The following PHACTR3 variants were observed in gnomAD, a reference collection of about 807,000 sequenced individuals.
The protein encoded by PHACTR3 is phosphatase and actin regulator 3, also known as protein phosphatase 1, regulatory subunit 123.
A neutral mutation model predicts 66.8 loss-of-function variants in PHACTR3; 16 were observed. The ratio of observed to expected loss-of-function variants is 0.24; its 90% CI spans 0.16 to 0.36. PHACTR3 has a LOEUF of 0.36. PHACTR3 is among the 10% of genes least tolerant of loss of function. PHACTR3 has a pLI of 1.00. For synonymous variants in PHACTR3, 323 were observed against 292.1 expected, an observed-to-expected ratio of 1.11 and a Z score of -1.08; for missense variants, 647 against 719.9, an observed-to-expected ratio of 0.90 and a Z score of 1.16.
rs143512482 is a variant in PHACTR3, at chr20:59,619,002, G to C, written c.118+13870G>C. Among the ~76,000 whole-genome samples the C allele has an allele frequency of 8.5e-5, 13 of 152,312 alleles. No homozygotes were observed. The East Asian group carries it at 2.3e-3, about 27-fold the overall frequency. Reference sequence around the variant, plus strand: ...TTGGACGTGGATTCCGTGGGCAAAGGTTCTTTTCCTGGCACAGTGGAGCAG... The same window carrying C: ...TTGGACGTGGATTCCGTGGGCAAAGCTTCTTTTCCTGGCACAGTGGAGCAG... On this transcript the variant is annotated intron_variant, in intron 1 of 12. Coordinates refer to ENST00000371015, the MANE Select transcript of PHACTR3 (RefSeq NM_080672.5).
intron 1 of PHACTR3, among the ~76,000 whole-genome samples, chr20:59,699,997 G>A (rs1419926099): frequency 3.3e-5 from 5 of 152,194 alleles, no homozygotes; most frequent in Admixed American, 1.3e-4. Flanking sequence ...GAAAAGTTAA[G>A]TTTGCATACT....
intron 7 of PHACTR3, among the ~76,000 whole-genome samples, chr20:59,779,731 T>A (rs1436663447): frequency 6.6e-6 from 1 of 152,252 alleles, no homozygotes; most frequent in Non-Finnish European, 1.5e-5. Flanking sequence ...GAATGGAGAA[T>A]GCATCTGCAT....
intron 1 of PHACTR3, among the ~76,000 whole-genome samples, chr20:59,698,061 T>G (rs1004374714): frequency 1.1e-4 from 16 of 152,160 alleles, no homozygotes; most frequent in Non-Finnish European, 1.5e-5. Flanking sequence ...ATCAACATTG[T>G]GTGTAATTAT....
At chr20:59,817,887 G>A (rs2041929923) in intron 8 of PHACTR3, among the ~76,000 whole-genome samples, 1 of 152,244 alleles carries the variant, frequency 6.6e-6, no homozygotes, top group Non-Finnish European at 1.5e-5. Context: ...CACCTCTGAT[G>A]TGAAGTCACT....
chr20:59,825,423 CTCGT>C (rs2042160618), intron 8 of PHACTR3, among the ~76,000 whole-genome samples: 1 of 152,170 alleles, frequency 6.6e-6, no homozygotes. Context: ...CATTCATTCA[CTCGT>C]TCATTCACTC....
intron 9 of PHACTR3, among the ~76,000 whole-genome samples, chr20:59,838,964 C>T (rs2059012288): frequency 6.6e-6 from 1 of 151,550 alleles, no homozygotes; most frequent in South Asian, 2.1e-4. Flanking sequence ...AGCACTCTGA[C>T]AGGAACTTTC....
intron 1 of PHACTR3, among the ~76,000 whole-genome samples, chr20:59,580,713 A>G (rs975341063): frequency 6.6e-6 from 1 of 152,160 alleles, no homozygotes; most frequent in Non-Finnish European, 1.5e-5. Context: ...TTCCTGGCTC[A>G]GCTCAGAGTC....
intron 1 of PHACTR3, among the ~76,000 whole-genome samples, chr20:59,698,291 C>G (rs1295087747): frequency 2.0e-5 from 3 of 151,918 alleles, no homozygotes; most frequent in Admixed American, 6.6e-5. Context: ...GAAAAAAAGA[C>G]TGGATGGAGA....
At position 59,806,191 on chromosome 20, in the gene PHACTR3, C is replaced by T. The variant is rs1461594370; in HGVS notation, c.1325C>T (p.Ser442Phe). ...EIRQQIEMKLSKRLSQRPAVE... is the reference protein window; with the variant it reads ...EIRQQIEMKLFKRLSQRPAVE... Reference sequence around the variant, plus strand: ...CGGCAGCAGATCGAGATGAAGCTTTCCAAGTAAGTGGCAGCTTGCGGGCAC... The same window carrying T: ...CGGCAGCAGATCGAGATGAAGCTTTTCAAGTAAGTGGCAGCTTGCGGGCAC... Residue 442 changes from serine to phenylalanine, a missense_variant, in exon 8 of 13, where the codon TCC becomes TTC. Physicochemically the swap from Ser to Phe is radical, Grantham distance 155. Coordinates refer to ENST00000371015, the MANE Select transcript of PHACTR3 (RefSeq NM_080672.5). 1.2e-6 allele frequency: 2 copies of T among 1,613,810 alleles called. No homozygotes were observed. Among genetic ancestry groups the T allele is most frequent in the African/African-American group, 2.7e-5 (2 of 75,042 alleles).
At chr20:59,819,541 A>G (rs1200173437) in intron 8 of PHACTR3, among the ~76,000 whole-genome samples, 2 of 151,472 alleles carry the variant, frequency 1.3e-5, no homozygotes, top group Admixed American at 1.3e-4. Flanking sequence ...GTCGTTAAAA[A>G]AAAAAAAAAA....
At chr20:59,587,075 T>A (rs1009694615) in intron 1 of PHACTR3, among the ~76,000 whole-genome samples, 9 of 152,352 alleles carry the variant, frequency 5.9e-5, no homozygotes, top group African/African-American at 2.2e-4. Context: ...GTGGGGTGCC[T>A]GTCTTGGAAA....
At chr20:59,656,339 T>A (rs1015539793) in intron 1 of PHACTR3, among the ~76,000 whole-genome samples, 1 of 151,900 alleles carries the variant, frequency 6.6e-6, no homozygotes, top group Non-Finnish European at 1.5e-5. Flanking sequence ...TAGGTACATA[T>A]ATATTTATCA....
chr20:59,739,110 T>A (rs2039058926), intron 1 of PHACTR3, among the ~76,000 whole-genome samples: 1 of 152,164 alleles, frequency 6.6e-6, no homozygotes, highest in African/African-American at 2.4e-5. Flanking sequence ...CTGTGGTTAA[T>A]TGGTGTTCTG....
chr20:59,729,307 G>T (rs1047175907), intron 1 of PHACTR3, among the ~76,000 whole-genome samples: 3 of 152,080 alleles, frequency 2.0e-5, no homozygotes, highest in Admixed American at 6.5e-5. Flanking sequence ...GGCTGTCCCC[G>T]CTCCCAGGCC....
intron 1 of PHACTR3, among the ~76,000 whole-genome samples, chr20:59,613,173 A>G (rs751356119): frequency 7.9e-5 from 12 of 152,214 alleles, no homozygotes; most frequent in African/African-American, 2.9e-4. Flanking sequence ...TGACAAGTTT[A>G]TCTATTAGGG....
chr20:59,593,057 T>G (rs1269686168), intron 1 of PHACTR3, among the ~76,000 whole-genome samples: 1 of 152,214 alleles, frequency 6.6e-6, no homozygotes, highest in Non-Finnish European at 1.5e-5. Flanking sequence ...ATTTTTAGTT[T>G]TGTAAGAAAC....
In PHACTR3 at chr20:59,730,888, G is replaced by A. The variant is rs1392652041; in HGVS notation, c.119-12219G>A. ...ACTGTGTGGCCCGCAAAGCCTCAGA[G>A]TTTTATTATTTGGCCCCTTACAGAA... is the stretch of plus-strand genomic sequence containing the variant. On this transcript the variant is annotated intron_variant, in intron 1 of 12. Coordinates refer to ENST00000371015, the MANE Select transcript of PHACTR3 (RefSeq NM_080672.5). 1.1e-4 allele frequency among the ~76,000 whole-genome samples: 17 copies of A among 152,120 alleles called. 1 individual carries two copies. Among genetic ancestry groups the A allele is most frequent in the Non-Finnish European group, 2.9e-5 (2 of 68,012 alleles).
intron 1 of PHACTR3, among the ~76,000 whole-genome samples, chr20:59,586,091 G>T (rs1457388493): frequency 1.3e-5 from 2 of 152,164 alleles, no homozygotes; most frequent in Non-Finnish European, 2.9e-5. Flanking sequence ...TCACCTGACA[G>T]GTGCCCTTGG....
At chr20:59,611,731 C>T (rs1323183922) in intron 1 of PHACTR3, among the ~76,000 whole-genome samples, 1 of 152,212 alleles carries the variant, frequency 6.6e-6, no homozygotes, top group African/African-American at 2.4e-5. Flanking sequence ...GTCCACCCAG[C>T]CTCGGATGTT....
Sources: allele counts gnomAD v4.1 joint callset (sites outside exome capture counted in the v4.1 genomes callset), GRCh38; gene constraint gnomAD v4.1.1; transcripts MANE v1.5; gene names NCBI Gene and HGNC (gene_info 2026-07-23, HGNC 2026-07-21).